The following ZNF385D variants were observed in gnomAD, a reference collection of about 807,000 sequenced individuals.
The protein encoded by ZNF385D is zinc finger protein 659.
ZNF385D carries 15 observed loss-of-function variants against 35.8 expected under a neutral mutation model. The observed-to-expected ratio is 0.42, with a 90% confidence interval of 0.28 to 0.64. The LOEUF (loss-of-function observed/expected upper bound fraction) is 0.64. ZNF385D is among the 30% of genes least tolerant of loss of function. The pLI is 0.23. For synonymous variants in ZNF385D, 212 were observed against 186.8 expected (o/e 1.13, Z -1.10); for missense variants, 474 against 494.6 (o/e 0.96, Z 0.39).
chr3:21,567,130 G>A (rs143268357), intron 2 of ZNF385D, among the ~76,000 whole-genome samples: 44 of 152,238 alleles, frequency 2.9e-4, no homozygotes, highest in African/African-American at 1.0e-3. Flanking sequence ...ATTTGCCATC[G>A]ATGAACATTT....
intron 3 of ZNF385D, among the ~76,000 whole-genome samples, chr3:22,007,922 C>A (rs1696319565): frequency 6.6e-6 from 1 of 151,584 alleles, no homozygotes; most frequent in South Asian, 2.1e-4. Flanking sequence ...TTCTTTATCA[C>A]CTCTGAATTT....
chr3:22,070,718 T>C (rs1474188825), intron 3 of ZNF385D, among the ~76,000 whole-genome samples: 1 of 152,110 alleles, frequency 6.6e-6, no homozygotes, highest in African/African-American at 2.4e-5. Context: ...ATGTTGAAGC[T>C]TTATTAAGGG....
chr3:21,573,715 C>T (rs2063403284), intron 2 of ZNF385D, among the ~76,000 whole-genome samples: 1 of 119,652 alleles, frequency 8.4e-6, no homozygotes, highest in African/African-American at 3.3e-5. Context: ...TTACACATGC[C>T]TAGTCAACAA....
chr3:22,068,332 A>G (rs1042119721), intron 3 of ZNF385D, among the ~76,000 whole-genome samples: 2 of 151,984 alleles, frequency 1.3e-5, no homozygotes, highest in Non-Finnish European at 2.9e-5. Flanking sequence ...CCAGCTTAAC[A>G]CTCTGAGCTA....
At chr3:22,115,361 C>T (rs1011320534) in intron 3 of ZNF385D, among the ~76,000 whole-genome samples, 2 of 152,014 alleles carry the variant, frequency 1.3e-5, no homozygotes, top group African/African-American at 4.8e-5. Context: ...TAGGGAATGA[C>T]CAAAATGAAG....
intron 2 of ZNF385D, among the ~76,000 whole-genome samples, chr3:22,338,147 G>C (rs183593664): frequency 1.0e-3 from 159 of 152,198 alleles, no homozygotes; most frequent in African/African-American, 3.8e-3. Context: ...GTAGGAGAAA[G>C]GTGACTATTA....
intron 2 of ZNF385D, among the ~76,000 whole-genome samples, chr3:21,618,726 T>C (rs2064918528): frequency 6.6e-6 from 1 of 152,122 alleles, no homozygotes; most frequent in Non-Finnish European, 1.5e-5. Context: ...AAAAAGTCTA[T>C]CAGTTAAAGA....
chr3:21,967,998 A>C (rs1288755349), intron 3 of ZNF385D, among the ~76,000 whole-genome samples: 1 of 152,200 alleles, frequency 6.6e-6, no homozygotes, highest in Non-Finnish European at 1.5e-5. Context: ...AAGGAAAGAG[A>C]CACTGAAGTA....
chr3:21,908,256 T>G lies in ZNF385D; in HGVS notation c.326-243228A>C, dbSNP rs145948971. The stretch of plus-strand genomic sequence containing the variant: ...ATGAGTAGAAAATTAGATTACTGAA[T>G]TAAGAAAAAGACGTAAGGAAAAGAA... On this transcript the variant is annotated intron_variant, in intron 3 of 5. Coordinates refer to the ZNF385D transcript ENST00000494108. 4.6e-5 allele frequency among the ~76,000 whole-genome samples: 7 copies of G among 151,766 alleles called. 1 individual carries two copies. Among genetic ancestry groups the G allele is most frequent in the Admixed American group, 3.3e-4 (5 of 15,184 alleles).
At chr3:21,642,458 T>G (rs2125860553) in intron 2 of ZNF385D, among the ~76,000 whole-genome samples, 1 of 152,058 alleles carries the variant, frequency 6.6e-6, no homozygotes, top group East Asian at 1.9e-4. Context: ...ACACCCAGCC[T>G]CAGCTCTCCT....
At chr3:21,429,235 C>G (rs911781884) in intron 5 of ZNF385D, among the ~76,000 whole-genome samples, 3 of 151,860 alleles carry the variant, frequency 2.0e-5, no homozygotes, top group Admixed American at 1.3e-4. Context: ...CCTAATTTCA[C>G]CAACTAGAGG....
At chr3:21,975,338 G>C (rs1169511766) in intron 3 of ZNF385D, among the ~76,000 whole-genome samples, 1 of 152,092 alleles carries the variant, frequency 6.6e-6, no homozygotes. Context: ...TCACTTATTG[G>C]TGGGAGCTAA....
chr3:21,439,122 AAAT>A (rs1701727950), intron 4 of ZNF385D, among the ~76,000 whole-genome samples: 1 of 152,034 alleles, frequency 6.6e-6, no homozygotes, highest in South Asian at 2.1e-4. Context: ...CATACTTATA[AAAT>A]AATTTCATTT....
intron 2 of ZNF385D, among the ~76,000 whole-genome samples, chr3:22,181,075 A>G (rs1695236631): frequency 6.6e-6 from 1 of 151,762 alleles, no homozygotes; most frequent in Non-Finnish European, 1.5e-5. Context: ...TCTTTTTGTA[A>G]TATAGACTTT....
At chr3:21,680,364 G>A (rs2066860679) in intron 1 of ZNF385D, among the ~76,000 whole-genome samples, 1 of 152,140 alleles carries the variant, frequency 6.6e-6, no homozygotes, top group Admixed American at 6.6e-5. Context: ...GTTCTTGCCG[G>A]CTTCTCCTTT....
At chr3:21,588,363 G>C (rs1258043115) in intron 2 of ZNF385D, among the ~76,000 whole-genome samples, 2 of 151,960 alleles carry the variant, frequency 1.3e-5, no homozygotes, top group Admixed American at 1.3e-4. Context: ...TTAATTACTA[G>C]CTGCTTTCAA....
chr3:22,144,203 G>A (rs2125708713), intron 3 of ZNF385D, among the ~76,000 whole-genome samples: 1 of 152,198 alleles, frequency 6.6e-6, no homozygotes, highest in East Asian at 1.9e-4. Context: ...TACAGAACCA[G>A]GAGTTCAAAA....
intron 3 of ZNF385D, among the ~76,000 whole-genome samples, chr3:21,795,517 C>T (rs561642298): frequency 3.9e-5 from 6 of 152,346 alleles, no homozygotes; most frequent in Non-Finnish European, 8.8e-5. Context: ...CTTTTTATGT[C>T]ACCCGGGGAG....
chr3:22,085,805 A>G (rs13099215), intron 3 of ZNF385D, among the ~76,000 whole-genome samples: 20,912 of 152,206 alleles, frequency 0.14, 1,544 homozygotes, highest in Non-Finnish European at 0.16. Flanking sequence ...AAAATCCTCA[A>G]TAAAATACTG....
Sources: allele counts gnomAD v4.1 joint callset (sites outside exome capture counted in the v4.1 genomes callset), GRCh38; gene constraint gnomAD v4.1.1; transcripts MANE v1.5; gene names NCBI Gene and HGNC (gene_info 2026-07-23, HGNC 2026-07-21).